CDH12: variants seen among roughly 807,000 people sequenced by gnomAD.
The protein encoded by CDH12 is cadherin 12.
Under a neutral mutation model 74.1 loss-of-function variants are expected in CDH12, and 41 were observed. The ratio of observed to expected loss-of-function variants is 0.55; its 90% CI spans 0.43 to 0.72. The LOEUF (loss-of-function observed/expected upper bound fraction) is 0.72. CDH12 is among the 30% of genes least tolerant of loss of function. The pLI is 0.00. For missense variants in CDH12, 945 were observed against 977.2 expected, an observed-to-expected ratio of 0.97 and a Z score of 0.44; for synonymous variants, 399 against 355.0, an observed-to-expected ratio of 1.12 and a Z score of -1.39.
chr5:21,991,044 T>C (rs1037296795), intron 5 of CDH12, among the ~76,000 whole-genome samples: 88 of 151,902 alleles, frequency 5.8e-4, no homozygotes, highest in African/African-American at 2.1e-3. Flanking sequence ...GTTTTCGTTT[T>C]GTGACATCAA....
chr5:22,207,055 T>C (rs1200672223), intron 4 of CDH12, among the ~76,000 whole-genome samples: 5 of 145,390 alleles, frequency 3.4e-5, no homozygotes, highest in Non-Finnish European at 7.5e-5. Context: ...CTACTAAAAA[T>C]ACAAAAAAAA....
intron 5 of CDH12, among the ~76,000 whole-genome samples, chr5:22,051,064 A>G (rs1233775657): frequency 7.2e-5 from 11 of 152,096 alleles, no homozygotes; most frequent in Non-Finnish European, 1.5e-4. Flanking sequence ...AACAACCACA[A>G]TTATTCCAAG....
intron 8 of CDH12, among the ~76,000 whole-genome samples, chr5:21,840,416 C>A (rs1374853952): frequency 1.4e-5 from 2 of 144,004 alleles, no homozygotes; most frequent in Admixed American, 6.7e-5. Flanking sequence ...AATGTTCAAC[C>A]CTGAAGATTT....
chr5:22,042,889 C>CAAAAA (rs1171549252), intron 5 of CDH12, among the ~76,000 whole-genome samples: 17 of 55,828 alleles, frequency 3.0e-4, no homozygotes, highest in South Asian at 6.4e-4. Context: ...GATTCTATCT[C>CAAAAA]AAAAAAAAAA....
intron 1 of CDH12, among the ~76,000 whole-genome samples, chr5:22,628,116 A>C (rs1738394198): frequency 2.0e-5 from 3 of 152,158 alleles, no homozygotes; most frequent in African/African-American, 7.2e-5. Flanking sequence ...AAGTTCTTAC[A>C]AATCTATGAA....
chr5:21,860,002 T>A (rs1750950000), intron 6 of CDH12, among the ~76,000 whole-genome samples: 1 of 151,500 alleles, frequency 6.6e-6, no homozygotes, highest in Admixed American at 6.6e-5. Context: ...AAGGTTTGGG[T>A]CACTCCACCA....
intron 6 of CDH12, among the ~76,000 whole-genome samples, chr5:21,893,843 A>C (rs1753000492): frequency 6.6e-6 from 1 of 152,210 alleles, no homozygotes; most frequent in Non-Finnish European, 1.5e-5. Context: ...TCCTTACATA[A>C]ACAGCTGCCA....
chr5:22,204,162 G>GTTT (rs113456439), intron 4 of CDH12, among the ~76,000 whole-genome samples: 4 of 129,844 alleles, frequency 3.1e-5, no homozygotes, highest in African/African-American at 2.7e-5. Context: ...TGTTTTGTTT[G>GTTT]TTTTTTTTTT....
chr5:22,168,488 A>G (rs1748823604), intron 4 of CDH12, among the ~76,000 whole-genome samples: 1 of 152,044 alleles, frequency 6.6e-6, no homozygotes, highest in Non-Finnish European at 1.5e-5. Context: ...GAAGTCATTT[A>G]ATTTTAAAAT....
At chr5:22,831,118 TTTAAG>T (rs1412863176) in intron 1 of CDH12, among the ~76,000 whole-genome samples, 1 of 152,010 alleles carries the variant, frequency 6.6e-6, no homozygotes, top group Admixed American at 6.6e-5. Context: ...ATGTTCATAG[TTTAAG>T]TTGAGAGACA....
intron 3 of CDH12, among the ~76,000 whole-genome samples, chr5:22,217,346 A>T: frequency 6.6e-6 from 1 of 151,994 alleles, no homozygotes. Flanking sequence ...TAACTTAATT[A>T]AAATGATTGA....
At chr5:22,652,831 C>A (rs1739811732) in intron 1 of CDH12, among the ~76,000 whole-genome samples, 1 of 152,006 alleles carries the variant, frequency 6.6e-6, no homozygotes, top group African/African-American at 2.4e-5. Context: ...TGATCATCTG[C>A]AAAGAAACAG....
chr5:22,452,902 A>C (rs898055740), intron 2 of CDH12, among the ~76,000 whole-genome samples: 30 of 96,648 alleles, frequency 3.1e-4, no homozygotes, highest in Non-Finnish European at 7.0e-4. Context: ...AAAAAAAAAA[A>C]AATGAGTTAA....
intron 11 of CDH12, among the ~76,000 whole-genome samples, chr5:21,776,461 G>C (rs1745593816): frequency 6.6e-6 from 1 of 152,126 alleles, no homozygotes; most frequent in Non-Finnish European, 1.5e-5. Flanking sequence ...TCCTCCCCAA[G>C]AATTGAAGAC....
intron 1 of CDH12, among the ~76,000 whole-genome samples, chr5:22,586,066 A>G (rs1431836201): frequency 6.6e-6 from 1 of 152,196 alleles, no homozygotes. Flanking sequence ...CACTATTCAG[A>G]ATAGCAAAGA....
At position 22,021,865 on chromosome 5, in the gene CDH12, G is replaced by C. The variant is rs916497021; in HGVS notation, c.232-46480C>G. On this transcript the variant is annotated intron_variant, in intron 5 of 14. Transcript: ENST00000382254. Reference sequence around the variant, plus strand: ...TTTATTTATTTATTTAGAGACTAAGGCTTGCTCTGTCACCCACGCTGAAGC... The same window carrying C: ...TTTATTTATTTATTTAGAGACTAAGCCTTGCTCTGTCACCCACGCTGAAGC... Among the ~76,000 whole-genome samples the C allele has an allele frequency of 2.6e-5, 4 of 152,132 alleles. No homozygotes were observed. In the East Asian group the frequency reaches 7.7e-4, roughly 29 times the overall value.
At chr5:22,010,396 A>G (rs2150152192) in intron 5 of CDH12, among the ~76,000 whole-genome samples, 1 of 152,168 alleles carries the variant, frequency 6.6e-6, no homozygotes, top group East Asian at 1.9e-4. Context: ...CTATTTAACC[A>G]CCTATATTAC....
intron 5 of CDH12, among the ~76,000 whole-genome samples, chr5:22,021,700 G>C (rs1294618311): frequency 1.3e-5 from 2 of 152,096 alleles, no homozygotes; most frequent in Non-Finnish European, 2.9e-5. Context: ...CATTCAATTG[G>C]AATAGGGTGA....
chr5:22,161,260 C>T (rs558502127), intron 4 of CDH12, among the ~76,000 whole-genome samples: 141 of 152,192 alleles, frequency 9.3e-4, no homozygotes, highest in Non-Finnish European at 1.3e-4. Flanking sequence ...CTCTCCTCTT[C>T]GGTCCTGTGT....
Sources: gnomAD v4.1 joint callset for allele counts (sites outside exome capture counted in the v4.1 genomes callset) on GRCh38, gnomAD v4.1.1 for gene constraint, MANE v1.5 for transcripts, NCBI Gene and HGNC (gene_info 2026-07-23, HGNC 2026-07-21) for gene names.